Variants in SEZ6L observed in about 807,000 individuals in gnomAD.
SEZ6L encodes seizure related 6 homolog like, also known as seizure 6-like protein.
SEZ6L carries 37 observed loss-of-function variants against 106.2 expected under a neutral mutation model. That is an observed-to-expected ratio of 0.35 (90% CI 0.27 to 0.46). SEZ6L has a LOEUF of 0.46. Among genes scored for constraint, SEZ6L ranks in the 20% least tolerant of loss-of-function variants. The pLI, the probability that SEZ6L is intolerant of heterozygous loss-of-function variation, is 1.00. For missense variants in SEZ6L, 1,172 were observed against 1,332.8 expected (o/e 0.88, Z 1.88); for synonymous variants, 541 against 570.4 (o/e 0.95, Z 0.73).
intron 1 of SEZ6L, among the ~76,000 whole-genome samples, chr22:26,251,477 G>A (rs1253970551): frequency 2.0e-5 from 3 of 152,090 alleles, no homozygotes; most frequent in African/African-American, 4.8e-5. Flanking sequence ...ACATATTAAA[G>A]CATCAGCAAG....
intron 1 of SEZ6L, among the ~76,000 whole-genome samples, chr22:26,277,329 C>A (rs2080581769): frequency 6.6e-6 from 1 of 152,182 alleles, no homozygotes; most frequent in African/African-American, 2.4e-5. Context: ...CCCCCAAAGG[C>A]CCCTAGGTTT....
intron 9 of SEZ6L, among the ~76,000 whole-genome samples, chr22:26,338,860 T>TTTTTTTC (rs1374577773): frequency 3.2e-5 from 3 of 93,646 alleles, no homozygotes; most frequent in Admixed American, 1.1e-4. Context: ...CCGGACTTTT[T>TTTTTTTC]TTTTTTCTTT....
At chr22:26,209,472 TGG>T (rs2078080413) in intron 1 of SEZ6L, among the ~76,000 whole-genome samples, 1 of 97,278 alleles carries the variant, frequency 1.0e-5, no homozygotes, top group African/African-American at 4.8e-5. Flanking sequence ...GATATATGGA[TGG>T]ATGGATGGAT....
chr22:26,196,460 G>A (rs1182795420), intron 1 of SEZ6L, among the ~76,000 whole-genome samples: 2 of 152,172 alleles, frequency 1.3e-5, no homozygotes, highest in Non-Finnish European at 2.9e-5. Flanking sequence ...TGTAGCTGGA[G>A]CATGGCAAAT....
At chr22:26,188,151 C>G (rs1939925145) in intron 1 of SEZ6L, among the ~76,000 whole-genome samples, 1 of 152,206 alleles carries the variant, frequency 6.6e-6, no homozygotes. Context: ...CACATGTACC[C>G]TCTTCCAGGG....
intron 11 of SEZ6L, among the ~76,000 whole-genome samples, chr22:26,349,053 GTCT>G (rs1407129873): frequency 1.3e-5 from 2 of 152,162 alleles, no homozygotes; most frequent in African/African-American, 2.4e-5. Flanking sequence ...CCCTATAGAA[GTCT>G]TCTTACCTGC....
chr22:26,206,008 A>T (rs773208144), intron 1 of SEZ6L, among the ~76,000 whole-genome samples: 2 of 152,116 alleles, frequency 1.3e-5, no homozygotes, highest in African/African-American at 4.8e-5. Flanking sequence ...TTCCCCTAAA[A>T]GAGCCTGCAA....
Position 26,369,341 on chromosome 22 carries a change from C to CTTTTT in SEZ6L, c.2794+3779_2794+3780insTTTTT, listed in dbSNP as rs199641007. Reference sequence around the variant, plus strand: ...ATGACAATGACTTATATAAGCAGTTCTTTTGTTTTTTTTTTTGAGACAGAT... The same window carrying CTTTTT: ...ATGACAATGACTTATATAAGCAGTTCTTTTTTTTTGTTTTTTTTTTTGAGACAGAT... On this transcript the variant is annotated intron_variant, in intron 13 of 16. Transcript: ENST00000248933. 3.1e-3 allele frequency among the ~76,000 whole-genome samples: 325 copies of CTTTTT among 103,634 alleles called. 78 individuals carry two copies. Among genetic ancestry groups the CTTTTT allele is most frequent in the East Asian group, 0.011 (26 of 2,278 alleles). The allele number at this position is 103,634 out of a possible 152,430, so 68.0% of individuals were successfully genotyped here.
chr22:26,195,498 G>GTGTT (rs1220703058), intron 1 of SEZ6L, among the ~76,000 whole-genome samples: 1 of 152,314 alleles, frequency 6.6e-6, no homozygotes, highest in Admixed American at 6.5e-5. Context: ...AATATGTAAA[G>GTGTT]TGTTTGGCAC....
chr22:26,334,514 G>T (rs1029623083), intron 9 of SEZ6L, among the ~76,000 whole-genome samples: 1 of 152,150 alleles, frequency 6.6e-6, no homozygotes, highest in Non-Finnish European at 1.5e-5. Context: ...ACCGTATTTT[G>T]CTTATTCATT....
chr22:26,278,999 A>AGGAAGGGAGGAAGGAAGGAC (rs1556301616), intron 1 of SEZ6L, among the ~76,000 whole-genome samples: 1 of 135,528 alleles, frequency 7.4e-6, no homozygotes, highest in African/African-American at 2.8e-5. Flanking sequence ...GAAGGAAGGA[A>AGGAAGGGAGGAAGGAAGGAC]GGAAGGAAGG....
At chr22:26,328,057 G>GT (rs1242965066) in intron 9 of SEZ6L, among the ~76,000 whole-genome samples, 3 of 152,240 alleles carry the variant, frequency 2.0e-5, no homozygotes, top group African/African-American at 7.2e-5. Context: ...GGGAAAGTGT[G>GT]TGGGTCCAAC....
intron 9 of SEZ6L, among the ~76,000 whole-genome samples, chr22:26,316,698 G>A (rs1444023224): frequency 6.6e-6 from 1 of 151,986 alleles, no homozygotes; most frequent in African/African-American, 2.4e-5. Context: ...CAGGCGTGGT[G>A]GTGGGTGCCT....
chr22:26,268,354 G>A (rs2080255411), intron 1 of SEZ6L, among the ~76,000 whole-genome samples: 1 of 152,186 alleles, frequency 6.6e-6, no homozygotes, highest in African/African-American at 2.4e-5. Flanking sequence ...GTTTAGCCTA[G>A]CCCCTCCACC....
At chr22:26,174,377 C>G (rs1024188700) in intron 1 of SEZ6L, among the ~76,000 whole-genome samples, 8 of 152,056 alleles carry the variant, frequency 5.3e-5, no homozygotes, top group Non-Finnish European at 1.2e-4. Context: ...AACAGAGGAG[C>G]GAGTGGGAGG....
intron 3 of SEZ6L, 79 bp downstream of exon 3, chr22:26,294,504 T>C (rs1033251534): frequency 6.1e-6 from 9 of 1,466,560 alleles, no homozygotes; most frequent in Admixed American, 5.3e-5. Context: ...TCAGGCTTAC[T>C]GTTATGCTAA....
chr22:26,285,595 G>A (rs927742241), intron 1 of SEZ6L, among the ~76,000 whole-genome samples: 1 of 152,182 alleles, frequency 6.6e-6, no homozygotes, highest in Non-Finnish European at 1.5e-5. Context: ...TGATGGGAGG[G>A]TAGGGCATGC....
chr22:26,304,006 G>T (rs2081532862), intron 5 of SEZ6L, among the ~76,000 whole-genome samples: 1 of 152,024 alleles, frequency 6.6e-6, no homozygotes, highest in Non-Finnish European at 1.5e-5. Flanking sequence ...CTTCCTCCTG[G>T]ACTGACTGCC....
chr22:26,363,924 T>A (rs2083719807), intron 12 of SEZ6L, among the ~76,000 whole-genome samples: 1 of 152,240 alleles, frequency 6.6e-6, no homozygotes, highest in Non-Finnish European at 1.5e-5. Context: ...AGGCAAATAC[T>A]ATCTGATTCC....
Sources: gnomAD v4.1 joint callset for allele counts (sites outside exome capture counted in the v4.1 genomes callset) on GRCh38, gnomAD v4.1.1 for gene constraint, MANE v1.5 for transcripts, NCBI Gene and HGNC (gene_info 2026-07-23, HGNC 2026-07-21) for gene names.